RANBP2: variants seen among roughly 807,000 people sequenced by gnomAD.
The protein encoded by RANBP2 is E3 SUMO-protein ligase RanBP2.
RANBP2 carries 57 observed loss-of-function variants against 303.6 expected under a neutral mutation model. That is an observed-to-expected ratio of 0.19 (90% CI 0.15 to 0.23). The LOEUF (loss-of-function observed/expected upper bound fraction) is 0.23. Ranked by LOEUF, RANBP2 falls within the 10% of genes least tolerant of loss-of-function variation. RANBP2 has a pLI of 1.00. For synonymous variants in RANBP2, 1,167 were observed against 1,301.5 expected (o/e 0.90, Z 2.23); for missense variants, 3,138 against 3,780.8 (o/e 0.83, Z 4.46).
the RANBP2 span, among the ~76,000 whole-genome samples, chr2:109,609,201 C>T: frequency 1.3e-5 from 2 of 152,244 alleles, 1 homozygote; most frequent in African/African-American, 4.8e-5. Flanking sequence ...CAAACAGCTC[C>T]TGGCTGCCTG....
At chr2:109,613,617 G>C in the RANBP2 span, 1 of 341,522 alleles carries the variant, frequency 2.9e-6, no homozygotes, top group Non-Finnish European at 5.0e-6. Flanking sequence ...GCTCCGCAGA[G>C]GCTCCTCTCC....
the RANBP2 span, chr2:109,130,149 G>C: frequency 7.9e-7 from 1 of 1,273,442 alleles, no homozygotes; most frequent in Non-Finnish European, 9.9e-7. Context: ...GCCACGGCAC[G>C]TGGGAGTGTG....
chr2:109,003,337 T>G, the RANBP2 span, among the ~76,000 whole-genome samples: 1 of 151,912 alleles, frequency 6.6e-6, no homozygotes, highest in Non-Finnish European at 1.5e-5. Flanking sequence ...TGGCACATAG[T>G]AGGCCCTCAA....
the RANBP2 span, among the ~76,000 whole-genome samples, chr2:109,492,745 A>C: frequency 2.0e-5 from 3 of 152,108 alleles, no homozygotes; most frequent in Non-Finnish European, 4.4e-5. Flanking sequence ...CCACGCCCTG[A>C]GCTACCTCTC....
the RANBP2 span, among the ~76,000 whole-genome samples, chr2:109,680,261 G>C: frequency 6.6e-6 from 1 of 151,484 alleles, no homozygotes; most frequent in Non-Finnish European, 1.5e-5. Context: ...GCTGAGGCAG[G>C]AGAATGGTGT....
chr2:109,601,796 T>C, the RANBP2 span, among the ~76,000 whole-genome samples: 1 of 152,132 alleles, frequency 6.6e-6, no homozygotes, highest in Non-Finnish European at 1.5e-5. Context: ...AATCTTCCTT[T>C]ATGATGTCTT....
At chr2:108,745,916 C>CT (rs1276140359) in intron 7 of RANBP2, among the ~76,000 whole-genome samples, 3 of 97,276 alleles carry the variant, frequency 3.1e-5, no homozygotes, top group African/African-American at 7.9e-5. Context: ...TTTTTTTTTT[C>CT]TTTTTTTGGA....
chr2:108,982,054 G>A, the RANBP2 span, among the ~76,000 whole-genome samples: 18 of 152,196 alleles, frequency 1.2e-4, no homozygotes, highest in Admixed American at 4.6e-4. Context: ...GATGTTTAAC[G>A]GCTCAGTAAC....
At chr2:109,565,672 CA>C in the RANBP2 span, 1 of 1,130,224 alleles carries the variant, frequency 8.8e-7, no homozygotes, top group Non-Finnish European at 1.3e-6. Flanking sequence ...CAATCACATC[CA>C]AACTAAGCAT....
chr2:108,798,265 A>G, the RANBP2 span: 4 of 192,486 alleles, frequency 2.1e-5, no homozygotes, highest in Non-Finnish European at 3.8e-5. Flanking sequence ...TTTCTGTGCA[A>G]GTTTACTTGC....
the RANBP2 span, among the ~76,000 whole-genome samples, chr2:109,611,156 T>A: frequency 1.2e-4 from 18 of 152,274 alleles, no homozygotes; most frequent in Admixed American, 1.2e-3. Context: ...GGCCCTCAAC[T>A]TAAGTCTGAC....
chr2:109,191,637 G>T, the RANBP2 span, among the ~76,000 whole-genome samples: 1 of 152,170 alleles, frequency 6.6e-6, no homozygotes, highest in Admixed American at 6.5e-5. Flanking sequence ...AGCAAGAGCA[G>T]TCCCAATAAT....
At chr2:109,033,559 T>C in the RANBP2 span, among the ~76,000 whole-genome samples, 1 of 152,066 alleles carries the variant, frequency 6.6e-6, no homozygotes, top group African/African-American at 2.4e-5. Context: ...AAGATAACAG[T>C]GTGTAAGAAA....
At chr2:109,524,746 A>G in the RANBP2 span, among the ~76,000 whole-genome samples, 5 of 152,054 alleles carry the variant, frequency 3.3e-5, no homozygotes, top group East Asian at 9.6e-4. Context: ...CTCCATCTCA[A>G]AAAATATATA....
At chr2:108,803,763 A>AG in the RANBP2 span, among the ~76,000 whole-genome samples, 1 of 152,086 alleles carries the variant, frequency 6.6e-6, no homozygotes, top group Non-Finnish European at 1.5e-5. Context: ...TTCTTTTCAC[A>AG]GTTGTCAGTT....
the RANBP2 span, among the ~76,000 whole-genome samples, chr2:109,474,152 C>T: frequency 2.0e-4 from 30 of 152,278 alleles, no homozygotes; most frequent in African/African-American, 7.0e-4. Flanking sequence ...GCCAGGGAAG[C>T]TTGGCCGCAC....
At chr2:109,603,291 G>C in the RANBP2 span, among the ~76,000 whole-genome samples, 1 of 151,724 alleles carries the variant, frequency 6.6e-6, no homozygotes. Flanking sequence ...CTGGAGTGCA[G>C]TGGCGCAATC....
the RANBP2 span, among the ~76,000 whole-genome samples, chr2:109,701,295 CTCAG>C: frequency 6.6e-6 from 1 of 152,210 alleles, no homozygotes; most frequent in Admixed American, 6.5e-5. Flanking sequence ...TAAGACAGGT[CTCAG>C]TCAATTTAGA....
chr2:109,381,682 T>C, the RANBP2 span, among the ~76,000 whole-genome samples: 1 of 151,988 alleles, frequency 6.6e-6, no homozygotes, highest in African/African-American at 2.4e-5. Flanking sequence ...GATGGCTAAA[T>C]AGTAGAAAGG....
Sources: gnomAD v4.1 joint callset for allele counts (sites outside exome capture counted in the v4.1 genomes callset) on GRCh38, gnomAD v4.1.1 for gene constraint, MANE v1.5 for transcripts, NCBI Gene and HGNC (gene_info 2026-07-23, HGNC 2026-07-21) for gene names.